P2RY12: variants seen among roughly 807,000 people sequenced by gnomAD.
P2RY12 encodes purinergic receptor P2Y12, also known as P2Y purinoceptor 12.
P2RY12 carries 3 observed loss-of-function variants against 4.5 expected under a neutral mutation model. The ratio of observed to expected loss-of-function variants is 0.67; its 90% CI spans 0.31 to 1.74. The LOEUF is 1.74. P2RY12 is among the 40% of genes most tolerant of loss of function. P2RY12 has a pLI of 0.09. For missense variants in P2RY12, 356 were observed against 407.8 expected (o/e 0.87, Z 1.09); for synonymous variants, 148 against 154.1 (o/e 0.96, Z 0.29).
rs71637017 is a variant in P2RY12, at chr3:151,368,586, ATTTAT to A, written c.-180+16101_-180+16105del. 8.7e-3 allele frequency among the ~76,000 whole-genome samples: 1,047 copies of A among 120,544 alleles called. 21 individuals carry two copies. Among genetic ancestry groups the A allele is most frequent in the East Asian group, 0.012 (48 of 4,034 alleles). The allele number at this position is 120,544 out of a possible 152,430, so 79.1% of individuals were successfully genotyped here. A position where few individuals can be genotyped will look rare whatever the true frequency, so the allele number is the denominator to read the frequency against. On this transcript the variant is annotated intron_variant, in intron 1 of 2. Transcript: ENST00000302632. The stretch of plus-strand genomic sequence containing the variant: ...ATCACAGCAGCTTAGGGCAATGGTG[ATTTAT>A]TTTATTTTATTTTATTTTATTTTAT...
chr3:151,364,958 C>T (rs1553796450), intron 1 of P2RY12: 1 of 1,559,870 alleles, frequency 6.4e-7, no homozygotes, highest in Non-Finnish European at 8.8e-7. Flanking sequence ...TCTGTTTTAA[C>T]TTTTTTTCTT....
chr3:151,368,866 A>T (rs540750704), intron 1 of P2RY12, among the ~76,000 whole-genome samples: 50 of 150,582 alleles, frequency 3.3e-4, no homozygotes, highest in African/African-American at 1.2e-3. Flanking sequence ...GGCTTAGGCA[A>T]TTCTCTTGCC....
At chr3:151,364,969 A>G (rs374170097) in intron 1 of P2RY12, 2 of 1,595,548 alleles carry the variant, frequency 1.3e-6, no homozygotes, top group African/African-American at 1.3e-5. Context: ...TTTTTTTCTT[A>G]TAACCTCAGT....
At chr3:151,364,884 A>T in intron 1 of P2RY12, 1 of 856,746 alleles carries the variant, frequency 1.2e-6, no homozygotes, top group East Asian at 2.4e-5. Context: ...GGAATGCATT[A>T]CAGTTCCTGC....
At chr3:151,346,130 C>G (rs1393693917) in intron 1 of P2RY12, among the ~76,000 whole-genome samples, 2 of 152,174 alleles carry the variant, frequency 1.3e-5, no homozygotes, top group African/African-American at 4.8e-5. Context: ...ATTTGAGCTT[C>G]TTAAGTGTCT....
At chr3:151,352,681 T>G (rs769601370) in intron 1 of P2RY12, among the ~76,000 whole-genome samples, 5 of 152,146 alleles carry the variant, frequency 3.3e-5, no homozygotes, top group Non-Finnish European at 7.4e-5. Flanking sequence ...AGGTCTTGCC[T>G]AGGGGAATTT....
At chr3:151,361,845 C>G (rs1270831425) in intron 1 of P2RY12, among the ~76,000 whole-genome samples, 1 of 152,130 alleles carries the variant, frequency 6.6e-6, no homozygotes, top group Non-Finnish European at 1.5e-5. Context: ...TCCCCAACTT[C>G]CTGTCATTCG....
intron 1 of P2RY12, among the ~76,000 whole-genome samples, chr3:151,364,103 G>T (rs1754981943): frequency 6.6e-6 from 1 of 152,142 alleles, no homozygotes; most frequent in Admixed American, 6.5e-5. Flanking sequence ...GAGCTTTTGA[G>T]TAGAGAGAGT....
chr3:151,351,039 A>T (rs1017718302), intron 1 of P2RY12, among the ~76,000 whole-genome samples: 2 of 152,124 alleles, frequency 1.3e-5, no homozygotes, highest in Admixed American at 6.5e-5. Context: ...GTTTGTGTTT[A>T]CTCTATGTAA....
intron 1 of P2RY12, chr3:151,380,143 C>G: frequency 1.2e-6 from 2 of 1,604,948 alleles, no homozygotes; most frequent in Non-Finnish European, 1.7e-6. Flanking sequence ...AACCCTTCCT[C>G]TCACTGGTAC....
At chr3:151,378,617 A>C (rs1711651960) in intron 1 of P2RY12, among the ~76,000 whole-genome samples, 1 of 152,144 alleles carries the variant, frequency 6.6e-6, no homozygotes, top group Non-Finnish European at 1.5e-5. Context: ...TAGACTAGAC[A>C]TTAAGACTCC....
intron 1 of P2RY12, among the ~76,000 whole-genome samples, chr3:151,374,150 A>T (rs150923971): frequency 6.6e-6 from 1 of 152,190 alleles, no homozygotes; most frequent in African/African-American, 2.4e-5. Flanking sequence ...GTTTAATTCT[A>T]TGATACATCT....
At chr3:151,345,252 G>A (rs1057237286) in intron 1 of P2RY12, among the ~76,000 whole-genome samples, 2 of 152,172 alleles carry the variant, frequency 1.3e-5, no homozygotes, top group Non-Finnish European at 2.9e-5. Context: ...GACGTCTCCT[G>A]TAACAGACTC....
intron 1 of P2RY12, among the ~76,000 whole-genome samples, chr3:151,347,352 T>G (rs1397581514): frequency 1.3e-5 from 2 of 152,228 alleles, no homozygotes; most frequent in Non-Finnish European, 2.9e-5. Context: ...CATTGCCTAT[T>G]AAGGAGATTA....
At chr3:151,371,129 G>GT (rs1756132197) in intron 1 of P2RY12, among the ~76,000 whole-genome samples, 2 of 152,134 alleles carry the variant, frequency 1.3e-5, no homozygotes, top group African/African-American at 2.4e-5. Flanking sequence ...AGCAGGTACT[G>GT]TTTTTTCTCT....
intron 1 of P2RY12, among the ~76,000 whole-genome samples, chr3:151,352,754 G>T (rs1287090690): frequency 6.6e-6 from 1 of 152,054 alleles, no homozygotes; most frequent in Non-Finnish European, 1.5e-5. Context: ...CATTTGCCTT[G>T]ACCAGTTATC....
chr3:151,377,374 T>A (rs1311853853), intron 1 of P2RY12, among the ~76,000 whole-genome samples: 2 of 152,228 alleles, frequency 1.3e-5, no homozygotes, highest in Non-Finnish European at 1.5e-5. Flanking sequence ...TTGAGTAGGC[T>A]TAAACACCTT....
chr3:151,380,289 T>A (rs1712018376), intron 1 of P2RY12: 5 of 1,118,006 alleles, frequency 4.5e-6, no homozygotes, highest in Non-Finnish European at 6.5e-6. Context: ...TATTTGCCTT[T>A]CAAATACTGA....
intron 1 of P2RY12, among the ~76,000 whole-genome samples, chr3:151,341,846 C>T (rs1319328721): frequency 2.6e-5 from 4 of 151,102 alleles, no homozygotes; most frequent in South Asian, 2.1e-4. Context: ...TTTGTTCTTG[C>T]GATAGTTTAC....
Sources: gnomAD v4.1 joint callset for allele counts (sites outside exome capture counted in the v4.1 genomes callset) on GRCh38, gnomAD v4.1.1 for gene constraint, MANE v1.5 for transcripts, NCBI Gene and HGNC (gene_info 2026-07-23, HGNC 2026-07-21) for gene names.